GABRG3: variants seen among roughly 807,000 people sequenced by gnomAD.
GABRG3 encodes the protein gamma-aminobutyric acid type A receptor subunit gamma3.
A neutral mutation model predicts 48.8 loss-of-function variants in GABRG3; 25 were observed. The ratio of observed to expected loss-of-function variants is 0.51; its 90% CI spans 0.37 to 0.72. GABRG3 has a LOEUF of 0.72. GABRG3 is among the 30% of genes least tolerant of loss of function. GABRG3 has a pLI of 0.00. For synonymous variants in GABRG3, 227 were observed against 217.6 expected, an observed-to-expected ratio of 1.04 and a Z score of -0.38; for missense variants, 394 against 577.9, an observed-to-expected ratio of 0.68 and a Z score of 3.26.
intron 5 of GABRG3, among the ~76,000 whole-genome samples, chr15:27,373,472 C>A (rs1895482223): frequency 1.3e-5 from 2 of 152,206 alleles, no homozygotes; most frequent in South Asian, 4.1e-4. Flanking sequence ...TCTTTTCTGC[C>A]AGACAGAAAT....
intron 3 of GABRG3, among the ~76,000 whole-genome samples, chr15:27,214,357 C>T (rs1008434331): frequency 2.6e-5 from 4 of 152,178 alleles, no homozygotes; most frequent in Non-Finnish European, 4.4e-5. Flanking sequence ...ATGGCCGCGT[C>T]GGGTATGCTG....
At chr15:27,323,528 TTAAAG>T (rs1893502247) in intron 3 of GABRG3, among the ~76,000 whole-genome samples, 1 of 152,186 alleles carries the variant, frequency 6.6e-6, no homozygotes, top group African/African-American at 2.4e-5. Flanking sequence ...TGAATTTTAG[TTAAAG>T]TATTGAGTGT....
intron 6 of GABRG3, among the ~76,000 whole-genome samples, chr15:27,494,058 A>AT (rs1029707134): frequency 2.0e-5 from 3 of 151,900 alleles, no homozygotes; most frequent in African/African-American, 7.3e-5. Flanking sequence ...TGATCATATG[A>AT]TTTTTTTCTT....
At chr15:27,287,683 A>C (rs1175195289) in intron 3 of GABRG3, among the ~76,000 whole-genome samples, 1 of 149,518 alleles carries the variant, frequency 6.7e-6, no homozygotes, top group South Asian at 2.1e-4. Context: ...TCTGATGTTG[A>C]GTTAACCTGA....
chr15:27,350,312 G>A (rs1349292364), intron 5 of GABRG3: 1 of 380,090 alleles, frequency 2.6e-6, no homozygotes, highest in South Asian at 1.9e-5. Flanking sequence ...GCTGTGAATT[G>A]GGAAATCACA....
At chr15:27,135,407 G>A (rs895214935) in intron 3 of GABRG3, among the ~76,000 whole-genome samples, 1 of 152,204 alleles carries the variant, frequency 6.6e-6, no homozygotes, top group Admixed American at 6.5e-5. Flanking sequence ...GTTCTCATAA[G>A]CAGCGAGGGG....
At chr15:27,427,663 A>C (rs956824681) in intron 5 of GABRG3, among the ~76,000 whole-genome samples, 5 of 152,200 alleles carry the variant, frequency 3.3e-5, no homozygotes, top group Admixed American at 2.6e-4. Context: ...CCCTACCTCT[A>C]TGTTCAGTTC....
chr15:27,026,965 G>A, intron 3 of GABRG3, 144 bp downstream of exon 3: 1 of 462,106 alleles, frequency 2.2e-6, no homozygotes. Flanking sequence ...TTGGAATATT[G>A]AAAATGGTAA....
intron 3 of GABRG3, among the ~76,000 whole-genome samples, chr15:27,063,405 A>T: frequency 6.6e-6 from 1 of 152,160 alleles, no homozygotes; most frequent in Non-Finnish European, 1.5e-5. Flanking sequence ...AGGTATCTGG[A>T]TCATGGGGAG....
At chr15:27,437,558 C>T (rs571069867) in intron 5 of GABRG3, among the ~76,000 whole-genome samples, 1 of 152,236 alleles carries the variant, frequency 6.6e-6, no homozygotes, top group Non-Finnish European at 1.5e-5. Flanking sequence ...ACGTATAGAG[C>T]ACCCATTATG....
Position 27,532,806 on chromosome 15 carries a change from G to T in GABRG3, c.1329G>T (p.Ser443=). The T allele has an allele frequency of 6.2e-7, 1 of 1,613,952 alleles. No individual in the cohort carries two copies. ...RIHIDILELD[S]YSRVFFPTSF... ...ACATAGACATCTTGGAGCTGGACTC[G>T]TACTCCCGGGTCTTTTTCCCCACGT... The change falls in exon 10 of 10, where the codon TCG becomes TCT. Residue 443 remains serine (S), a synonymous_variant. Coordinates refer to ENST00000615808, the MANE Select transcript of GABRG3 (RefSeq NM_033223.5).
At chr15:27,377,579 C>T (rs1221260834) in intron 5 of GABRG3, among the ~76,000 whole-genome samples, 1 of 152,120 alleles carries the variant, frequency 6.6e-6, no homozygotes, top group Non-Finnish European at 1.5e-5. Context: ...TTTTTAAAAC[C>T]ATCAGATCTT....
At chr15:27,334,305 C>A (rs1020609070) in intron 5 of GABRG3, among the ~76,000 whole-genome samples, 1 of 152,112 alleles carries the variant, frequency 6.6e-6, no homozygotes, top group Non-Finnish European at 1.5e-5. Flanking sequence ...CAGGCACACA[C>A]ATGCATATAC....
intron 3 of GABRG3, among the ~76,000 whole-genome samples, chr15:27,173,047 TAAAC>T (rs1300591724): frequency 6.6e-6 from 1 of 152,156 alleles, no homozygotes; most frequent in Non-Finnish European, 1.5e-5. Context: ...TGAATGCACT[TAAAC>T]AAACATTCCT....
chr15:27,411,722 A>G (rs1887803632), intron 5 of GABRG3, among the ~76,000 whole-genome samples: 1 of 152,148 alleles, frequency 6.6e-6, no homozygotes. Flanking sequence ...TTTACAATAT[A>G]CATATTAAAT....
At chr15:27,193,672 C>T (rs1431258371) in intron 3 of GABRG3, among the ~76,000 whole-genome samples, 4 of 152,212 alleles carry the variant, frequency 2.6e-5, no homozygotes, top group African/African-American at 4.8e-5. Context: ...TTGCACTTCC[C>T]GAGTGAGGCA....
At chr15:27,393,017 A>C (rs999825746) in intron 5 of GABRG3, among the ~76,000 whole-genome samples, 2 of 152,146 alleles carry the variant, frequency 1.3e-5, no homozygotes. Context: ...CATTTCTAAG[A>C]GCCCCGGTTC....
At chr15:27,403,938 A>C (rs201163756) in intron 5 of GABRG3, among the ~76,000 whole-genome samples, 3 of 138,272 alleles carry the variant, frequency 2.2e-5, no homozygotes, top group Admixed American at 1.5e-4. Flanking sequence ...ACAAAAAAAA[A>C]AAACCGGGCT....
chr15:27,119,050 A>G (rs1466801782), intron 3 of GABRG3, among the ~76,000 whole-genome samples: 2 of 152,208 alleles, frequency 1.3e-5, no homozygotes, highest in Admixed American at 6.5e-5. Flanking sequence ...CCACTATCAT[A>G]AGAACCTCAT....
Sources: allele counts gnomAD v4.1 joint callset (sites outside exome capture counted in the v4.1 genomes callset), GRCh38; gene constraint gnomAD v4.1.1; transcripts MANE v1.5; gene names NCBI Gene and HGNC (gene_info 2026-07-23, HGNC 2026-07-21).